BMPER: variants seen among roughly 807,000 people sequenced by gnomAD.
BMPER encodes the protein BMP-binding endothelial regulator protein.
A neutral mutation model predicts 87.3 loss-of-function variants in BMPER; 45 were observed. The ratio of observed to expected loss-of-function variants is 0.52; its 90% CI spans 0.41 to 0.66. The LOEUF is 0.66. Ranked by LOEUF, BMPER falls within the 30% of genes least tolerant of loss-of-function variation. BMPER has a pLI of 0.00. For synonymous variants in BMPER, 326 were observed against 316.2 expected, an observed-to-expected ratio of 1.03 and a Z score of -0.33; for missense variants, 784 against 867.5, an observed-to-expected ratio of 0.90 and a Z score of 1.21.
At chr7:34,011,653 A>G (rs1249165645) in intron 6 of BMPER, among the ~76,000 whole-genome samples, 2 of 151,462 alleles carry the variant, frequency 1.3e-5, no homozygotes, top group African/African-American at 4.8e-5. Context: ...TTTACACTGT[A>G]CCTTGAAATT....
intron 2 of BMPER, among the ~76,000 whole-genome samples, chr7:33,925,418 A>ACTTT (rs1409522289): frequency 2.6e-5 from 4 of 152,240 alleles, no homozygotes; most frequent in African/African-American, 9.6e-5. Flanking sequence ...GTTGTCTCCA[A>ACTTT]TGAACACTAA....
chr7:34,132,578 G>T (rs1018206637), intron 13 of BMPER, among the ~76,000 whole-genome samples: 2 of 152,150 alleles, frequency 1.3e-5, no homozygotes, highest in African/African-American at 4.8e-5. Flanking sequence ...TTTCAAAGAC[G>T]GTATGTATCT....
chr7:33,991,370 T>C (rs983764789), intron 6 of BMPER, among the ~76,000 whole-genome samples: 2 of 152,194 alleles, frequency 1.3e-5, no homozygotes, highest in Admixed American at 1.3e-4. Flanking sequence ...CAGGAATTTA[T>C]CCATTTCTTC....
chr7:34,112,799 A>T (rs147696677), intron 13 of BMPER, among the ~76,000 whole-genome samples: 5 of 151,972 alleles, frequency 3.3e-5, no homozygotes, highest in Admixed American at 6.6e-5. Context: ...TGTGCACCGA[A>T]GTTTTCATTG....
At chr7:34,126,008 T>C (rs1411688521) in intron 13 of BMPER, among the ~76,000 whole-genome samples, 1 of 152,208 alleles carries the variant, frequency 6.6e-6, no homozygotes, top group Non-Finnish European at 1.5e-5. Flanking sequence ...ACAAACACAG[T>C]CCTTCATGGC....
At chr7:33,905,786 C>A in intron 1 of BMPER, 40 bp downstream of exon 1, 1 of 1,277,448 alleles carries the variant, frequency 7.8e-7, no homozygotes. Flanking sequence ...TCCGGGACGC[C>A]GGTTTGGTAC....
chr7:34,132,149 G>A (rs531878609), intron 13 of BMPER, among the ~76,000 whole-genome samples: 7 of 152,244 alleles, frequency 4.6e-5, no homozygotes, highest in East Asian at 1.9e-4. Flanking sequence ...AGATTATGCC[G>A]TGGGACAATT....
At chr7:34,102,189 G>T (rs1163465056) in intron 13 of BMPER, among the ~76,000 whole-genome samples, 3 of 151,982 alleles carry the variant, frequency 2.0e-5, no homozygotes, top group Middle Eastern at 3.4e-3. Context: ...TCTAGTTTCA[G>T]GTGGGGTCAT....
intron 2 of BMPER, among the ~76,000 whole-genome samples, chr7:33,932,857 C>A (rs1471546752): frequency 6.6e-6 from 1 of 152,178 alleles, no homozygotes; most frequent in Non-Finnish European, 1.5e-5. Flanking sequence ...GGAAGCATCT[C>A]AAAAGCATGT....
At chr7:33,994,313 A>G (rs1786330922) in intron 6 of BMPER, among the ~76,000 whole-genome samples, 2 of 152,188 alleles carry the variant, frequency 1.3e-5, no homozygotes, top group Non-Finnish European at 2.9e-5. Context: ...TGCGGGATAT[A>G]ATCTCGTGAT....
At chr7:34,093,107 C>T (rs1789434933) in intron 13 of BMPER, among the ~76,000 whole-genome samples, 1 of 152,138 alleles carries the variant, frequency 6.6e-6, no homozygotes. Context: ...AGTGGTAATA[C>T]TCATGGGTGT....
At chr7:34,014,276 G>GT (rs1786962643) in intron 6 of BMPER, among the ~76,000 whole-genome samples, 1 of 151,946 alleles carries the variant, frequency 6.6e-6, no homozygotes, top group Non-Finnish European at 1.5e-5. Context: ...AAAGGAGATG[G>GT]TTTTGGAAGA....
At chr7:33,946,917 C>G (rs1784906297) in intron 3 of BMPER, among the ~76,000 whole-genome samples, 1 of 152,148 alleles carries the variant, frequency 6.6e-6, no homozygotes, top group South Asian at 2.1e-4. Context: ...AATCCACGGG[C>G]CAGGTATTTA....
At chr7:34,003,818 T>G (rs1029751614) in intron 6 of BMPER, among the ~76,000 whole-genome samples, 10 of 152,100 alleles carry the variant, frequency 6.6e-5, no homozygotes, top group African/African-American at 2.2e-4. Flanking sequence ...AATGAGTTAT[T>G]TTTCTCTTGC....
chr7:34,086,233 T>C, intron 13 of BMPER, 141 bp downstream of exon 13: 1 of 967,818 alleles, frequency 1.0e-6, no homozygotes, highest in Non-Finnish European at 1.6e-6. Flanking sequence ...GTCCAGGAGC[T>C]GATCTCATCT....
At chr7:34,015,430 A>C (rs1786994960) in intron 6 of BMPER, among the ~76,000 whole-genome samples, 1 of 151,972 alleles carries the variant, frequency 6.6e-6, no homozygotes, top group Non-Finnish European at 1.5e-5. Flanking sequence ...CAATGAAGTA[A>C]ATCTATGCCT....
At chr7:34,036,412 A>T (rs181566157) in intron 6 of BMPER, among the ~76,000 whole-genome samples, 1 of 152,066 alleles carries the variant, frequency 6.6e-6, no homozygotes, top group Admixed American at 6.6e-5. Context: ...TTGTTTATTT[A>T]TTGATCGTTT....
chr7:34,086,300 G>A (rs148321379), intron 13 of BMPER, among the ~76,000 whole-genome samples: 189 of 152,282 alleles, frequency 1.2e-3, no homozygotes, highest in Middle Eastern at 6.8e-3. Flanking sequence ...ATTTCAGAGC[G>A]ATGTCCTCCA....
At position 34,131,464 on chromosome 7, in the gene BMPER, C is replaced by T. The variant is rs551870312; in HGVS notation, c.1746-11766C>T. Among the ~76,000 whole-genome samples, 598 of 152,302 alleles carry T rather than the reference C, an allele frequency of 3.9e-3. 2 individuals carry two copies. Among genetic ancestry groups the T allele is most frequent in the African/African-American group, 0.014 (583 of 41,572 alleles). On this transcript the variant is annotated intron_variant, in intron 13 of 14. Coordinates refer to ENST00000649409, the MANE Select transcript of BMPER (RefSeq NM_001365308.1). ...ATCCTCCAGGGGCAGCCGCCTCTGC[C>T]GCCCTTTGATTAATGCACGTAGTGG...
Sources: gnomAD v4.1 joint callset for allele counts (sites outside exome capture counted in the v4.1 genomes callset) on GRCh38, gnomAD v4.1.1 for gene constraint, MANE v1.5 for transcripts, NCBI Gene and HGNC (gene_info 2026-07-23, HGNC 2026-07-21) for gene names.